The following ST18 variants were observed in gnomAD, a reference collection of about 807,000 sequenced individuals.
The protein encoded by ST18 is suppression of tumorigenicity 18 protein.
A neutral mutation model predicts 110.0 loss-of-function variants in ST18; 50 were observed. The ratio of observed to expected loss-of-function variants is 0.45; its 90% CI spans 0.36 to 0.58. The LOEUF is 0.58. Ranked by LOEUF, ST18 falls within the 20% of genes least tolerant of loss-of-function variation. The pLI, the probability that ST18 is intolerant of heterozygous loss-of-function variation, is 0.00. For synonymous variants in ST18, 461 were observed against 452.4 expected (o/e 1.02, Z -0.24); for missense variants, 1,306 against 1,280.1 (o/e 1.02, Z -0.31).
chr8:52,327,667 C>T (rs1807112433), intron 2 of ST18, among the ~76,000 whole-genome samples: 1 of 152,184 alleles, frequency 6.6e-6, no homozygotes, highest in Non-Finnish European at 1.5e-5. Context: ...GTAATTGTTG[C>T]AGAAGCAGGG....
intron 10 of ST18, among the ~76,000 whole-genome samples, chr8:52,170,452 CAATAAATAAATAAATA>C (rs562661652): frequency 9.4e-5 from 12 of 128,062 alleles, no homozygotes; most frequent in South Asian, 2.7e-4. Flanking sequence ...ACTCAAAAAT[CAATAAATAAATAAATA>C]AATAAATAAA....
intron 8 of ST18, among the ~76,000 whole-genome samples, chr8:52,201,588 C>T (rs557845362): frequency 6.6e-6 from 1 of 150,716 alleles, no homozygotes; most frequent in African/African-American, 2.5e-5. Flanking sequence ...CAGAGAACCA[C>T]AGTGAGAATC....
chr8:52,203,117 C>A (rs1176028961), intron 8 of ST18, among the ~76,000 whole-genome samples: 1 of 151,798 alleles, frequency 6.6e-6, no homozygotes, highest in African/African-American at 2.4e-5. Context: ...AAAAAGTAGG[C>A]AGTATATTAA....
chr8:52,387,857 AG>A (rs1837469876), intron 2 of ST18, among the ~76,000 whole-genome samples: 1 of 152,176 alleles, frequency 6.6e-6, no homozygotes, highest in African/African-American at 2.4e-5. Context: ...TTTAAGTAAA[AG>A]TGACACGATC....
intron 2 of ST18, among the ~76,000 whole-genome samples, chr8:52,261,575 T>A (rs1010670488): frequency 6.6e-5 from 10 of 152,258 alleles, no homozygotes; most frequent in Non-Finnish European, 1.5e-4. Context: ...AGTCACTGAC[T>A]AGTTACTGTG....
At chr8:52,340,134 G>A (rs973539247) in intron 2 of ST18, among the ~76,000 whole-genome samples, 7 of 152,204 alleles carry the variant, frequency 4.6e-5, no homozygotes, top group Non-Finnish European at 1.0e-4. Context: ...AATTTGCTTC[G>A]AAGCTCAATG....
Position 52,130,094 on chromosome 8 carries a change from A to AAAAG in ST18, c.2666+1860_2666+1863dup, listed in dbSNP as rs148509276. On this transcript the variant is annotated intron_variant, in intron 22 of 25. Coordinates refer to ENST00000689386, the MANE Select transcript of ST18 (RefSeq NM_001352837.2). ...AGAGAGAGAGAGAGAGAAAGAAAGA[A>AAAAG]AAAGAAAGAAAGAAAGAAAGAAAGA... Among the ~76,000 whole-genome samples the AAAAG allele has an allele frequency of 9.3e-3, 1,005 of 108,474 alleles. 15 individuals carry two copies. Among genetic ancestry groups the AAAAG allele is most frequent in the East Asian group, 0.024 (85 of 3,562 alleles). The allele number at this position is 108,474 out of a possible 152,430, so 71.2% of individuals were successfully genotyped here. A position where few individuals can be genotyped will look rare whatever the true frequency, so the allele number is the denominator to read the frequency against.
chr8:52,150,882 T>G (rs769882867), intron 15 of ST18: 1 of 152,262 alleles, frequency 6.6e-6, no homozygotes, highest in Non-Finnish European at 1.5e-5. Context: ...ACTGCTCACG[T>G]GCCTCGTATG....
At position 52,273,637 on chromosome 8, in the gene ST18, T is replaced by C. The variant is rs1589507770; in HGVS notation, c.-464-43560A>G. On this transcript the variant is annotated intron_variant, in intron 2 of 25. Coordinates refer to ENST00000689386, the MANE Select transcript of ST18 (RefSeq NM_001352837.2). ...TCTTTTACAACAAGAGAACACTGTT[T>C]ATAATATGACACTGGCTGCTCAGGC... Among the ~76,000 whole-genome samples, 4 of 152,338 alleles carry C rather than the reference T, an allele frequency of 2.6e-5. No homozygotes were observed. In the East Asian group the frequency reaches 7.7e-4, roughly 29 times the overall value.
intron 8 of ST18, chr8:52,206,701 G>A (rs923575441): frequency 1.3e-5 from 2 of 152,210 alleles, no homozygotes; most frequent in African/African-American, 4.8e-5. Context: ...TAGGTAAAAA[G>A]GGTTTTCTTG....
chr8:52,125,930 C>A, intron 23 of ST18, 122 bp downstream of exon 23: 8 of 779,330 alleles, frequency 1.0e-5, no homozygotes, highest in Non-Finnish European at 1.6e-5. Flanking sequence ...CTGAGGAAAC[C>A]TTTCTTCTTG....
chr8:52,378,221 T>C (rs1053464508), intron 2 of ST18, among the ~76,000 whole-genome samples: 9 of 152,164 alleles, frequency 5.9e-5, no homozygotes, highest in Non-Finnish European at 1.3e-4. Flanking sequence ...TAGTTTATCA[T>C]ATATTTTAAG....
At chr8:52,137,579 G>A (rs947859033) in intron 17 of ST18, 96 bp from the exon 18 acceptor site, 26 of 1,230,300 alleles carry the variant, frequency 2.1e-5, no homozygotes, top group East Asian at 4.9e-5. Context: ...TTCTCTGTGC[G>A]AGATAAGTTA....
At chr8:52,352,744 T>C (rs1431206835) in intron 2 of ST18, among the ~76,000 whole-genome samples, 4 of 152,216 alleles carry the variant, frequency 2.6e-5, no homozygotes, top group Non-Finnish European at 4.4e-5. Flanking sequence ...GTGTTTTCAA[T>C]CTGCCTTCAT....
chr8:52,177,633 A>G (rs1307781386), intron 9 of ST18, among the ~76,000 whole-genome samples: 1 of 152,246 alleles, frequency 6.6e-6, no homozygotes, highest in Non-Finnish European at 1.5e-5. Context: ...CTGTGACTTC[A>G]TGATTTGACA....
At chr8:52,183,812 A>C (rs1203779822) in intron 8 of ST18, among the ~76,000 whole-genome samples, 1 of 152,194 alleles carries the variant, frequency 6.6e-6, no homozygotes, top group East Asian at 1.9e-4. Context: ...CCATAAAGGC[A>C]TTCTACTTTT....
chr8:52,315,165 C>G (rs1383041273), intron 2 of ST18, among the ~76,000 whole-genome samples: 1 of 152,142 alleles, frequency 6.6e-6, no homozygotes, highest in Non-Finnish European at 1.5e-5. Context: ...TAATTATATC[C>G]TATTTCCACC....
At chr8:52,247,017 C>T (rs1367229232) in intron 2 of ST18, among the ~76,000 whole-genome samples, 1 of 152,124 alleles carries the variant, frequency 6.6e-6, no homozygotes, top group East Asian at 1.9e-4. Context: ...CACTTTGTCA[C>T]TCATATGCAC....
intron 9 of ST18, among the ~76,000 whole-genome samples, chr8:52,174,244 G>T (rs1375171651): frequency 6.6e-6 from 1 of 152,098 alleles, no homozygotes; most frequent in African/African-American, 2.4e-5. Context: ...GGAACTCCAG[G>T]TTTAAATAAT....
Sources: allele counts gnomAD v4.1 joint callset (sites outside exome capture counted in the v4.1 genomes callset), GRCh38; gene constraint gnomAD v4.1.1; transcripts MANE v1.5; gene names NCBI Gene and HGNC (gene_info 2026-07-23, HGNC 2026-07-21).